CCDC60: variants seen among roughly 807,000 people sequenced by gnomAD.
The protein encoded by CCDC60 is coiled-coil domain containing 60.
A neutral mutation model predicts 63.5 loss-of-function variants in CCDC60; 54 were observed. The ratio of observed to expected loss-of-function variants is 0.85; its 90% CI spans 0.68 to 1.07. CCDC60 has a LOEUF of 1.07. Among genes scored for constraint, CCDC60 ranks in the 50% least tolerant of loss-of-function variants. CCDC60 has a pLI of 0.00. For missense variants in CCDC60, 651 were observed against 684.3 expected, an observed-to-expected ratio of 0.95 and a Z score of 0.54; for synonymous variants, 206 against 238.8, an observed-to-expected ratio of 0.86 and a Z score of 1.27.
intron 1 of CCDC60, among the ~76,000 whole-genome samples, chr12:119,368,560 G>A (rs1565973567): frequency 6.6e-6 from 1 of 152,138 alleles, no homozygotes; most frequent in Non-Finnish European, 1.5e-5. Context: ...TACGCCTTCC[G>A]ACTTCTGAGC....
intron 8 of CCDC60, among the ~76,000 whole-genome samples, chr12:119,517,285 T>C (rs886495046): frequency 1.3e-5 from 2 of 152,202 alleles, no homozygotes; most frequent in African/African-American, 4.8e-5. Flanking sequence ...TGAATCACCA[T>C]ACCTGGCAAA....
intron 1 of CCDC60, among the ~76,000 whole-genome samples, chr12:119,396,040 C>T (rs1047176686): frequency 1.1e-4 from 16 of 152,146 alleles, no homozygotes; most frequent in South Asian, 6.2e-4. Flanking sequence ...CGGGTTCAAG[C>T]GATTCCTCTC....
At chr12:119,371,186 G>A (rs551616451) in intron 1 of CCDC60, among the ~76,000 whole-genome samples, 1 of 152,282 alleles carries the variant, frequency 6.6e-6, no homozygotes, top group East Asian at 1.9e-4. Flanking sequence ...CTGGGGACTT[G>A]ATTCCTTCTA....
rs139733358 is a variant in CCDC60, at chr12:119,474,091, T to C, written c.341+1927T>C. ...ACTAGTTTACATTCCCGAAAAAAAG[T>C]GCTCAACATCGCTAATTATCAGGGA... On this transcript the variant is annotated intron_variant, in intron 3 of 13. Coordinates refer to ENST00000327554, the MANE Select transcript of CCDC60 (RefSeq NM_178499.5). 8.5e-4 allele frequency among the ~76,000 whole-genome samples: 130 copies of C among 152,302 alleles called. 1 individual carries two copies. The highest frequency in any genetic ancestry group is 3.0e-3 in the African/African-American group (124 of 41,574).
At chr12:119,358,984 A>G (rs189885624) in intron 1 of CCDC60, among the ~76,000 whole-genome samples, 2 of 152,162 alleles carry the variant, frequency 1.3e-5, no homozygotes, top group African/African-American at 4.8e-5. Context: ...GAGGAAATGC[A>G]TATGTTCAGC....
At chr12:119,479,403 C>A in intron 4 of CCDC60, 2 of 555,602 alleles carry the variant, frequency 3.6e-6, no homozygotes, top group Non-Finnish European at 3.2e-6. Context: ...GGCAAATCAG[C>A]TGGGACTGAG....
At chr12:119,512,194 A>G (rs981857426) in intron 7 of CCDC60, among the ~76,000 whole-genome samples, 4 of 152,194 alleles carry the variant, frequency 2.6e-5, no homozygotes, top group African/African-American at 9.7e-5. Flanking sequence ...ATGGCTTTTG[A>G]CGCCTGAGCT....
intron 13 of CCDC60, among the ~76,000 whole-genome samples, chr12:119,537,035 C>T (rs1593233327): frequency 6.6e-6 from 1 of 152,206 alleles, no homozygotes; most frequent in East Asian, 1.9e-4. Context: ...CTCCCCATCA[C>T]TTTCAGGTAC....
At chr12:119,516,297 G>C (rs1397092804) in intron 7 of CCDC60, among the ~76,000 whole-genome samples, 2 of 152,014 alleles carry the variant, frequency 1.3e-5, no homozygotes, top group Admixed American at 1.3e-4. Flanking sequence ...GTAGAGGTAG[G>C]GTTTCACCAT....
At chr12:119,444,659 C>A (rs145126713) in intron 2 of CCDC60, among the ~76,000 whole-genome samples, 1 of 152,216 alleles carries the variant, frequency 6.6e-6, no homozygotes, top group Non-Finnish European at 1.5e-5. Context: ...TGGCGCTGTA[C>A]AAAAACAGGT....
chr12:119,400,439 C>T (rs1037455089), intron 1 of CCDC60, among the ~76,000 whole-genome samples: 3 of 152,196 alleles, frequency 2.0e-5, no homozygotes, highest in Admixed American at 6.5e-5. Context: ...ATTTCAATAT[C>T]GCTAAAAAGG....
intron 2 of CCDC60, among the ~76,000 whole-genome samples, chr12:119,452,589 G>A (rs764852482): frequency 6.6e-6 from 1 of 152,196 alleles, no homozygotes; most frequent in Non-Finnish European, 1.5e-5. Context: ...GTTTTCAGAA[G>A]TTAAAGAAAT....
At chr12:119,519,853 A>AGTGT (rs376695394) in intron 8 of CCDC60, among the ~76,000 whole-genome samples, 9 of 135,228 alleles carry the variant, frequency 6.7e-5, no homozygotes, top group East Asian at 4.7e-4. Context: ...AGAGAGAGAG[A>AGTGT]GAGTGTGTGT....
At chr12:119,340,777 T>C (rs936007826) in intron 1 of CCDC60, among the ~76,000 whole-genome samples, 1 of 152,188 alleles carries the variant, frequency 6.6e-6, no homozygotes, top group Non-Finnish European at 1.5e-5. Context: ...TGGCGGGCTG[T>C]AGTGAGTCAT....
intron 5 of CCDC60, among the ~76,000 whole-genome samples, chr12:119,491,357 C>A (rs1167158210): frequency 6.6e-6 from 1 of 152,146 alleles, no homozygotes; most frequent in Non-Finnish European, 1.5e-5. Context: ...GAGATGGAGT[C>A]TCGCTCTGTC....
At chr12:119,347,572 C>A (rs971788316) in intron 1 of CCDC60, among the ~76,000 whole-genome samples, 10 of 152,178 alleles carry the variant, frequency 6.6e-5, no homozygotes, top group African/African-American at 1.7e-4. Context: ...TCAATATTCT[C>A]GTCTCTATTC....
Position 119,538,089 on chromosome 12 carries a change from C to T in CCDC60, c.1552-2525C>T, listed in dbSNP as rs138810619. On this transcript the variant is annotated intron_variant, in intron 13 of 13. Coordinates refer to ENST00000327554, the MANE Select transcript of CCDC60 (RefSeq NM_178499.5). ...GGACTCCACCCAGTTCGAGCTTCCA[C>T]GGCCACTTTGTTTACCTACTCAAGC... Among the ~76,000 whole-genome samples the T allele has an allele frequency of 3.3e-4, 50 of 152,350 alleles. 1 individual carries two copies. The highest frequency in any genetic ancestry group is 1.1e-3 in the African/African-American group (47 of 41,586).
At chr12:119,488,640 TG>T in intron 4 of CCDC60, 118 bp from the exon 5 acceptor site, 1 of 784,986 alleles carries the variant, frequency 1.3e-6, no homozygotes, top group Non-Finnish European at 2.2e-6. Context: ...TGCGCATGCC[TG>T]GAGCATGGTG....
chr12:119,352,125 G>C (rs772104635), intron 1 of CCDC60, among the ~76,000 whole-genome samples: 5 of 152,148 alleles, frequency 3.3e-5, no homozygotes, highest in Non-Finnish European at 7.3e-5. Flanking sequence ...GCCAGTAGGA[G>C]AGAGAGAAAG....
Sources: gnomAD v4.1 joint callset for allele counts (sites outside exome capture counted in the v4.1 genomes callset) on GRCh38, gnomAD v4.1.1 for gene constraint, MANE v1.5 for transcripts, NCBI Gene and HGNC (gene_info 2026-07-23, HGNC 2026-07-21) for gene names.